Variants in UCN3 observed in about 807,000 individuals in gnomAD.
UCN3 encodes urocortin-3.
Under a neutral mutation model 3.6 loss-of-function variants are expected in UCN3, and 3 were observed. The ratio of observed to expected loss-of-function variants is 0.83; its 90% CI spans 0.38 to 2.15. UCN3 has a LOEUF of 2.15. Among genes scored for constraint, UCN3 ranks in the 30% most tolerant of loss-of-function variants. UCN3 has a pLI of 0.06. For synonymous variants in UCN3, 100 were observed against 93.2 expected, an observed-to-expected ratio of 1.07 and a Z score of -0.42; for missense variants, 206 against 208.3, an observed-to-expected ratio of 0.99 and a Z score of 0.07.
chr10:5,374,404 T>C lies in UCN3; in HGVS notation c.*198T>C, dbSNP rs1196303740. ...GACCCTGTCTCCCTCCTGCTCTGTC[T>C]GTACACACAGAAGTGCAGTATTGTC... On this transcript the variant is annotated 3_prime_UTR_variant, in exon 2 of 2. Transcript: ENST00000380433. 2 of 596,418 alleles carry C rather than the reference T, an allele frequency of 3.4e-6. No individual in the cohort carries two copies. The highest frequency in any genetic ancestry group is 3.7e-5 in the African/African-American group (2 of 53,446). 36.9% of individuals were successfully genotyped at this position (596,418 alleles called of 1,614,324 possible). A position where few individuals can be genotyped will look rare whatever the true frequency, so the allele number is the denominator to read the frequency against.
chr10:5,369,511 C>T (rs945116095), intron 1 of UCN3, among the ~76,000 whole-genome samples: 4 of 152,208 alleles, frequency 2.6e-5, no homozygotes, highest in Non-Finnish European at 1.5e-5. Context: ...TCGGCCCAAA[C>T]CCTCAGGCAA....
At chr10:5,373,668 C>T in intron 1 of UCN3, 47 bp from the exon 2 acceptor site, 2 of 1,582,388 alleles carry the variant, frequency 1.3e-6, no homozygotes, top group Non-Finnish European at 1.7e-6. Flanking sequence ...CTCCAGAGCA[C>T]CACGCCCCTC....
rs868909122 is a variant in UCN3, at chr10:5,369,931, G to A, written c.-6-3784G>A. Among the ~76,000 whole-genome samples, 5 of 127,162 alleles carry A rather than the reference G, an allele frequency of 3.9e-5. 1 individual carries two copies. Among genetic ancestry groups the A allele is most frequent in the Non-Finnish European group, 8.0e-5 (5 of 62,606 alleles). The allele number at this position is 127,162 out of a possible 152,430, so 83.4% of individuals were successfully genotyped here. ...TGTGTGTATATGTGTGTGTATGTGT[G>A]TGTGTGTATGTGTGTGTATATGTGT... On this transcript the variant is annotated intron_variant, in intron 1 of 1. Coordinates refer to ENST00000380433, the MANE Select transcript of UCN3 (RefSeq NM_053049.4).
intron 1 of UCN3, among the ~76,000 whole-genome samples, chr10:5,372,284 C>G (rs1314930596): frequency 5.3e-5 from 8 of 152,166 alleles, no homozygotes; most frequent in Admixed American, 6.5e-5. Flanking sequence ...TCCTCAGGGA[C>G]AGTGGCCATG....
In UCN3 at chr10:5,370,947, G is replaced by GTGTGTTCA. The variant is rs1831414534; in HGVS notation, c.-6-2763_-6-2762insTCATGTGT. On this transcript the variant is annotated intron_variant, in intron 1 of 1. Coordinates refer to ENST00000380433, the MANE Select transcript of UCN3 (RefSeq NM_053049.4). ...TGTGTATATGTGTGTTCATGTGTAT[G>GTGTGTTCA]TGTGTAAGGTGTGTGTGTGTGTATG... is the stretch of plus-strand genomic sequence containing the variant. Among the ~76,000 whole-genome samples, 5 of 93,940 alleles carry GTGTGTTCA rather than the reference G, an allele frequency of 5.3e-5. No homozygotes were observed. The South Asian group carries it at 2.0e-3, about 37-fold the overall frequency. The allele number at this position is 93,940 out of a possible 152,430, so 61.6% of individuals were successfully genotyped here.
chr10:5,373,577 A>G, intron 1 of UCN3, 138 bp from the exon 2 acceptor site: 1 of 1,371,850 alleles, frequency 7.3e-7, no homozygotes, highest in African/African-American at 1.4e-5. Flanking sequence ...GCCCGGGCTG[A>G]TGCTGCTGGT....
chr10:5,370,995 G>A (rs1434476753), intron 1 of UCN3, among the ~76,000 whole-genome samples: 1 of 150,424 alleles, frequency 6.6e-6, no homozygotes, highest in Admixed American at 6.6e-5. Flanking sequence ...AGGTATGTAT[G>A]TGTGTGCATA....
At chr10:5,370,469 A>C (rs1329281045) in intron 1 of UCN3, among the ~76,000 whole-genome samples, 1 of 58,646 alleles carries the variant, frequency 1.7e-5, no homozygotes, top group Non-Finnish European at 3.1e-5. Flanking sequence ...ATGTGTGTAT[A>C]TGCGTGTGTA....
In UCN3 at chr10:5,374,128, C is replaced by A; in HGVS notation, c.408C>A (p.Asn136Lys). 6.2e-7 allele frequency: 1 copy of A among 1,613,612 alleles called. No individual in the cohort carries two copies. Among genetic ancestry groups the A allele is most frequent in the East Asian group, 2.2e-5 (1 of 44,834 alleles). ...VPTNIMNLLFNIAKAKNLRAQ... is the reference protein window; with the variant it reads ...VPTNIMNLLFKIAKAKNLRAQ... ...CCAACATCATGAACCTCCTCTTCAA[C>A]ATCGCCAAGGCCAAGAACCTGCGTG... The change falls in exon 2 of 2, where the codon AAC (asparagine) becomes AAA (lysine). Residue 136 changes from asparagine to lysine, a missense_variant. Asn to Lys is a moderately conservative substitution (Grantham distance 94). Transcript: ENST00000380433.
chr10:5,367,057 A>C lies in UCN3; in HGVS notation c.-7+1827A>C, dbSNP rs532560351. On this transcript the variant is annotated intron_variant, in intron 1 of 1. Coordinates refer to ENST00000380433, the MANE Select transcript of UCN3 (RefSeq NM_053049.4). The surrounding 1 kb of genome is among the most constrained non-coding windows in gnomAD (Gnocchi z 4.3). ...GGCACAGTATTTACAAATTGACCCC[A>C]AAAATGTGAAAAAGTAAATATAGAG... Among the ~76,000 whole-genome samples the C allele has an allele frequency of 3.3e-5, 5 of 152,306 alleles. No homozygotes were observed. The highest frequency in any genetic ancestry group is 1.2e-4 in the African/African-American group (5 of 41,562).
intron 1 of UCN3, among the ~76,000 whole-genome samples, chr10:5,368,304 A>C (rs1489263788): frequency 6.6e-6 from 1 of 152,134 alleles, no homozygotes; most frequent in African/African-American, 2.4e-5. Context: ...CAGTCCGGCC[A>C]GCACCCTCTA....
rs370687696 is a variant in UCN3 at position 5,370,665 on chromosome 10, A to G, written c.-6-3050A>G. Among the ~76,000 whole-genome samples the G allele has an allele frequency of 6.0e-3, 412 of 68,256 alleles. 26 individuals carry two copies. The highest frequency in any genetic ancestry group is 7.3e-3 in the African/African-American group (120 of 16,488). 44.8% of individuals were successfully genotyped at this position (68,256 alleles called of 152,430 possible). A position where few individuals can be genotyped will look rare whatever the true frequency, so the allele number is the denominator to read the frequency against. ...TGTATATGTGTGTGTATGTGTGTGT[A>G]TGTGTGTGTATGTGTGTGTGTATGT... On this transcript the variant is annotated intron_variant, in intron 1 of 1. Coordinates refer to ENST00000380433, the MANE Select transcript of UCN3 (RefSeq NM_053049.4).
In UCN3 at chr10:5,371,045, ATGTG is replaced by A. The variant is rs370398606; in HGVS notation, c.-6-2664_-6-2661del. On this transcript the variant is annotated intron_variant, in intron 1 of 1. Coordinates refer to ENST00000380433, the MANE Select transcript of UCN3 (RefSeq NM_053049.4). ...TACGTGTGTGCATGTGTCTATATGTATGTGTGTGTATGTATGTACGTGTGAGGTG... is the reference window on the plus strand; with the variant it reads ...TACGTGTGTGCATGTGTCTATATGTATGTGTATGTATGTACGTGTGAGGTG... Among the ~76,000 whole-genome samples, 36 of 146,108 alleles carry A rather than the reference ATGTG, an allele frequency of 2.5e-4. 1 individual carries two copies. The highest frequency in any genetic ancestry group is 4.2e-4 in the Non-Finnish European group (28 of 66,772).
chr10:5,369,905 GTGTGTGTATA>G lies in UCN3; in HGVS notation c.-6-3802_-6-3793del, dbSNP rs1564442054. On this transcript the variant is annotated intron_variant, in intron 1 of 1. Coordinates refer to ENST00000380433, the MANE Select transcript of UCN3 (RefSeq NM_053049.4). The stretch of plus-strand genomic sequence containing the variant: ...TGTGTATATGTGTGTGTGTATATGT[GTGTGTGTATA>G]TGTGTGTGTATGTGTGTGTGTGTAT... 3.8e-4 allele frequency among the ~76,000 whole-genome samples: 49 copies of G among 129,038 alleles called. 5 individuals are homozygous for G. The highest frequency in any genetic ancestry group is 1.4e-3 in the African/African-American group (47 of 33,050). The allele number at this position is 129,038 out of a possible 152,430, so 84.7% of individuals were successfully genotyped here.
At chr10:5,371,129 ATG>A (rs781990472) in intron 1 of UCN3, among the ~76,000 whole-genome samples, 15 of 149,314 alleles carry the variant, frequency 1.0e-4, no homozygotes, top group African/African-American at 3.3e-4. Flanking sequence ...TGAGGTATGT[ATG>A]TGTGTGCATA....
rs967442920 is a variant in UCN3, at chr10:5,373,856, G to C, written c.136G>C (p.Gly46Arg). 6.2e-7 allele frequency: 1 copy of C among 1,614,096 alleles called. No homozygotes were observed. Among genetic ancestry groups the C allele is most frequent in the African/African-American group, 1.3e-5 (1 of 75,022 alleles). Reference protein sequence around the residue: ...LNTALSEAEKGQWEDASLLSK... With the variant: ...LNTALSEAEKRQWEDASLLSK... ...CACCGCCCTGTCTGAGGCTGAGAAG[G>C]GCCAGTGGGAGGATGCATCCCTGCT... is the stretch of plus-strand genomic sequence containing the variant. The change falls in exon 2 of 2, where the codon GGC becomes CGC. Residue 46 changes from glycine to arginine, a missense_variant. By Grantham distance (125) the Gly-to-Arg change is moderately radical. Coordinates refer to ENST00000380433, the MANE Select transcript of UCN3 (RefSeq NM_053049.4).
In UCN3 at chr10:5,366,047, G is replaced by A. The variant is rs554074816; in HGVS notation, c.-7+817G>A. ...AAACGTTTTAAGTGGTCTAGTTTCA[G>A]TTTAACTTCTTATCAGTGTTTGCAG... On this transcript the variant is annotated intron_variant, in intron 1 of 1. Transcript: ENST00000380433. The surrounding 1 kb of genome is among the most constrained non-coding windows in gnomAD (Gnocchi z 4.2). Among the ~76,000 whole-genome samples the A allele has an allele frequency of 6.6e-6, 1 of 152,346 alleles. No individual in the cohort carries two copies. Among genetic ancestry groups the A allele is most frequent in the Non-Finnish European group, 1.5e-5 (1 of 68,026 alleles).
Position 5,370,114 on chromosome 10 carries a change from T to TGTGTGTATATGC in UCN3, c.-6-3593_-6-3592insATGCGTGTGTAT, listed in dbSNP as rs1831338713. Among the ~76,000 whole-genome samples the TGTGTGTATATGC allele has an allele frequency of 3.4e-5, 2 of 58,136 alleles. 1 individual carries two copies. Among genetic ancestry groups the TGTGTGTATATGC allele is most frequent in the African/African-American group, 2.1e-4 (2 of 9,572 alleles). 38.1% of individuals were successfully genotyped at this position (58,136 alleles called of 152,430 possible). Reference sequence around the variant, plus strand: ...GCGTGTGTATATGCGTGTGTATATGTGTGTGTATGTGTGTGTATGTGTGTG... The same window carrying TGTGTGTATATGC: ...GCGTGTGTATATGCGTGTGTATATGTGTGTGTATATGCGTGTGTATGTGTGTGTATGTGTGTG... On this transcript the variant is annotated intron_variant, in intron 1 of 1. Coordinates refer to ENST00000380433, the MANE Select transcript of UCN3 (RefSeq NM_053049.4).
intron 1 of UCN3, among the ~76,000 whole-genome samples, chr10:5,370,245 G>GTATGCGTGTGTA (rs1439304076): frequency 3.5e-5 from 2 of 57,398 alleles, no homozygotes; most frequent in Non-Finnish European, 3.2e-5. Context: ...ATGCGTGTGT[G>GTATGCGTGTGTA]TATGCGTGTG....
Sources: allele counts gnomAD v4.1 joint callset (sites outside exome capture counted in the v4.1 genomes callset), GRCh38; gene constraint gnomAD v4.1.1; non-coding constraint Gnocchi (gnomAD v3.1); transcripts MANE v1.5; gene names NCBI Gene and HGNC (gene_info 2026-07-23, HGNC 2026-07-21).